Variants in NEGR1 observed in about 807,000 individuals in gnomAD.
The protein encoded by NEGR1 is IgLON family member 4.
Under a neutral mutation model 40.9 loss-of-function variants are expected in NEGR1, and 10 were observed. The ratio of observed to expected loss-of-function variants is 0.24; its 90% CI spans 0.15 to 0.42. The LOEUF (loss-of-function observed/expected upper bound fraction) is 0.42. Ranked by LOEUF, NEGR1 falls within the 10% of genes least tolerant of loss-of-function variation. The pLI is 1.00. For synonymous variants in NEGR1, 185 were observed against 166.8 expected, an observed-to-expected ratio of 1.11 and a Z score of -0.84; for missense variants, 352 against 438.9, an observed-to-expected ratio of 0.80 and a Z score of 1.77.
chr1:71,699,653 T>C (rs1295790249), intron 3 of NEGR1, among the ~76,000 whole-genome samples: 1 of 151,872 alleles, frequency 6.6e-6, no homozygotes, highest in East Asian at 1.9e-4. Flanking sequence ...TGAGGAACAT[T>C]AATATACTAC....
At chr1:72,000,999 G>A (rs1240507095) in intron 1 of NEGR1, among the ~76,000 whole-genome samples, 2 of 151,984 alleles carry the variant, frequency 1.3e-5, no homozygotes, top group Non-Finnish European at 2.9e-5. Context: ...GACTTGCTCA[G>A]ACATGTCCAC....
chr1:72,253,686 T>G (rs1431180843), intron 1 of NEGR1, among the ~76,000 whole-genome samples: 1 of 152,222 alleles, frequency 6.6e-6, no homozygotes, highest in South Asian at 2.1e-4. Flanking sequence ...GCTAATCAAA[T>G]AGGTATAAGA....
intron 6 of NEGR1, among the ~76,000 whole-genome samples, chr1:71,591,230 G>A (rs1203356181): frequency 2.6e-5 from 4 of 152,154 alleles, no homozygotes; most frequent in African/African-American, 4.8e-5. Context: ...GTCAATGGCA[G>A]AGAGAGATGA....
intron 6 of NEGR1, among the ~76,000 whole-genome samples, chr1:71,435,110 C>CA (rs756919652): frequency 4.9e-4 from 74 of 150,224 alleles, no homozygotes; most frequent in African/African-American, 1.7e-3. Context: ...AACAAACAAA[C>CA]AAAAAAAAAA....
chr1:71,596,088 G>C (rs139781857), intron 5 of NEGR1, among the ~76,000 whole-genome samples: 5 of 150,128 alleles, frequency 3.3e-5, no homozygotes, highest in Non-Finnish European at 7.4e-5. Context: ...TGTAGAGCTC[G>C]GAGTTAAATA....
rs777996342 is a variant in NEGR1, at chr1:71,876,367, T to C, written c.409+58712A>G. On this transcript the variant is annotated intron_variant, in intron 2 of 6. Coordinates refer to ENST00000357731, the MANE Select transcript of NEGR1 (RefSeq NM_173808.3). The stretch of plus-strand genomic sequence containing the variant: ...CTCCACTACAAATATATACAAAAAT[T>C]ATCTGGTCATGGTTGCACGCTCTGG... 1.2e-4 allele frequency among the ~76,000 whole-genome samples: 19 copies of C among 152,080 alleles called. No homozygotes were observed. The Middle Eastern group carries it at 0.01, about 82-fold the overall frequency.
At chr1:72,061,374 A>C (rs1446217943) in intron 1 of NEGR1, among the ~76,000 whole-genome samples, 1 of 151,748 alleles carries the variant, frequency 6.6e-6, no homozygotes, top group Non-Finnish European at 1.5e-5. Context: ...CTAAAATTAC[A>C]TTTAAAAATA....
At chr1:71,827,818 G>A (rs1261328868) in intron 2 of NEGR1, among the ~76,000 whole-genome samples, 2 of 151,406 alleles carry the variant, frequency 1.3e-5, no homozygotes, top group African/African-American at 2.4e-5. Context: ...ATATCTTCAA[G>A]GTTTTTTTCT....
chr1:71,635,278 G>GCC (rs1205805583), intron 4 of NEGR1, among the ~76,000 whole-genome samples: 3 of 151,976 alleles, frequency 2.0e-5, no homozygotes, highest in Non-Finnish European at 4.4e-5. Context: ...TTTAACCACC[G>GCC]CCCGCACTTC....
chr1:71,980,552 G>C (rs145540271), intron 1 of NEGR1, among the ~76,000 whole-genome samples: 142 of 152,250 alleles, frequency 9.3e-4, no homozygotes, highest in African/African-American at 3.3e-3. Context: ...AACACAGCAT[G>C]TGGGAAAGTT....
intron 4 of NEGR1, among the ~76,000 whole-genome samples, chr1:71,650,897 G>C (rs1651692225): frequency 6.6e-6 from 1 of 152,106 alleles, no homozygotes; most frequent in African/African-American, 2.4e-5. Context: ...ATGATAATTA[G>C]ATAATACATT....
Position 72,049,973 on chromosome 1 carries a change from T to A in NEGR1, c.177-114662A>T, listed in dbSNP as rs1232782869. Among the ~76,000 whole-genome samples, 3 of 151,584 alleles carry A rather than the reference T, an allele frequency of 2.0e-5. No homozygotes were observed. In the East Asian group the frequency reaches 5.8e-4, roughly 29 times the overall value. ...ATCTGGTGCAGATTTTGCTATGACA[T>A]CTTTTGTTGATTTGTAGTTGAAGTA... On this transcript the variant is annotated intron_variant, in intron 1 of 6. Coordinates refer to ENST00000357731, the MANE Select transcript of NEGR1 (RefSeq NM_173808.3).
chr1:71,894,454 AG>A (rs1033237901), intron 2 of NEGR1, among the ~76,000 whole-genome samples: 1 of 152,174 alleles, frequency 6.6e-6, no homozygotes, highest in African/African-American at 2.4e-5. Flanking sequence ...CTAGGCAAAA[AG>A]CACTATAACA....
chr1:72,218,906 G>A lies in NEGR1; in HGVS notation c.176+63413C>T, dbSNP rs144722697. Among the ~76,000 whole-genome samples the A allele has an allele frequency of 5.1e-3, 779 of 152,180 alleles. 6 individuals carry two copies. The highest frequency in any genetic ancestry group is 0.018 in the African/African-American group (751 of 41,538). On this transcript the variant is annotated intron_variant, in intron 1 of 6. Transcript: ENST00000357731. ...CAAAAAGAAAAGGTTGCTGTTTGCA[G>A]AGAGGAAATCTAGTTGTAATGACCA...
At chr1:71,652,986 A>G (rs2101583807) in intron 4 of NEGR1, among the ~76,000 whole-genome samples, 1 of 152,294 alleles carries the variant, frequency 6.6e-6, no homozygotes, top group East Asian at 1.9e-4. Flanking sequence ...CTTGTCAGAC[A>G]CAGGTATTCA....
intron 4 of NEGR1, among the ~76,000 whole-genome samples, chr1:71,635,734 T>G (rs1577396): frequency 6.6e-6 from 1 of 151,744 alleles, no homozygotes; most frequent in African/African-American, 2.4e-5. Context: ...TGAAGAGATA[T>G]GTAGAATGAT....
chr1:71,963,077 C>T (rs1337961739), intron 1 of NEGR1, among the ~76,000 whole-genome samples: 1 of 151,426 alleles, frequency 6.6e-6, no homozygotes, highest in Non-Finnish European at 1.5e-5. Flanking sequence ...GAGTATTTTT[C>T]TGTATCGATA....
intron 1 of NEGR1, among the ~76,000 whole-genome samples, chr1:72,266,075 T>G (rs1655628346): frequency 6.6e-6 from 1 of 150,942 alleles, no homozygotes; most frequent in African/African-American, 2.4e-5. Flanking sequence ...TCCATGTTAT[T>G]ACATCATCAT....
At chr1:71,580,803 A>G (rs901799957) in intron 6 of NEGR1, among the ~76,000 whole-genome samples, 5 of 152,128 alleles carry the variant, frequency 3.3e-5, no homozygotes, top group African/African-American at 1.2e-4. Context: ...CTAATTGAAG[A>G]TAAGTGAGGT....
Sources: allele counts gnomAD v4.1 joint callset (sites outside exome capture counted in the v4.1 genomes callset), GRCh38; gene constraint gnomAD v4.1.1; transcripts MANE v1.5; gene names NCBI Gene and HGNC (gene_info 2026-07-23, HGNC 2026-07-21).